FLNB: variants seen among roughly 807,000 people sequenced by gnomAD.
FLNB encodes filamin-B.
Under a neutral mutation model 250.6 loss-of-function variants are expected in FLNB, and 111 were observed. That is an observed-to-expected ratio of 0.44 (90% CI 0.38 to 0.52). FLNB has a LOEUF of 0.52. FLNB is among the 20% of genes least tolerant of loss of function. The pLI, the probability that FLNB is intolerant of heterozygous loss-of-function variation, is 0.00. For synonymous variants in FLNB, 1,302 were observed against 1,372.1 expected (o/e 0.95, Z 1.13); for missense variants, 2,869 against 3,447.8 (o/e 0.83, Z 4.20).
intron 1 of FLNB, among the ~76,000 whole-genome samples, chr3:58,067,762 A>C (rs1251326681): frequency 6.6e-6 from 1 of 151,760 alleles, no homozygotes; most frequent in Non-Finnish European, 1.5e-5. Context: ...ACGCCCGGCT[A>C]ATTTTTTGCA....
intron 1 of FLNB, among the ~76,000 whole-genome samples, chr3:58,016,256 T>C (rs148010216): frequency 5.9e-4 from 89 of 152,082 alleles, no homozygotes; most frequent in African/African-American, 2.0e-3. Flanking sequence ...TGTTTCACCA[T>C]GTTGGTCAGG....
Position 58,097,810 on chromosome 3 carries a change from T to G in FLNB, c.985-5T>G, listed in dbSNP as rs1164311776. ...ATGTATTTCTCACCTATCTGTCACC[T>G]ATAGGTCACAGTCCTCTTTGCAGGA... On this transcript the variant is annotated splice_polypyrimidine_tract_variant and splice_region_variant and intron_variant, in intron 6 of 45. Transcript: ENST00000295956. 1 of 1,613,810 alleles carries G rather than the reference T, an allele frequency of 6.2e-7. No homozygotes were observed. Among genetic ancestry groups the G allele is most frequent in the Non-Finnish European group, 8.5e-7 (1 of 1,179,810 alleles).
chr3:58,119,692 C>A (rs78381674), intron 19 of FLNB, among the ~76,000 whole-genome samples: 10,550 of 152,198 alleles, frequency 0.069, 414 homozygotes, highest in Non-Finnish European at 0.079. Context: ...AAAATATATC[C>A]ATTTTTCATC....
chr3:58,073,793 A>G (rs1559674462), intron 1 of FLNB, among the ~76,000 whole-genome samples: 1 of 152,164 alleles, frequency 6.6e-6, no homozygotes, highest in Non-Finnish European at 1.5e-5. Context: ...CAGGTTTTTA[A>G]AAGAATCCAT....
intron 18 of FLNB, 99 bp from the exon 19 acceptor site, chr3:58,118,773 C>T (rs1399939276): frequency 2.3e-6 from 2 of 859,628 alleles, no homozygotes; most frequent in Non-Finnish European, 4.1e-6. Flanking sequence ...ATCAAGTCTC[C>T]CCTGTCCGTG....
intron 43 of FLNB, among the ~76,000 whole-genome samples, chr3:58,166,362 G>A (rs2097370531): frequency 6.6e-6 from 1 of 152,064 alleles, no homozygotes; most frequent in South Asian, 2.1e-4. Context: ...GGCCAAGGCA[G>A]AAAGATTGTT....
intron 1 of FLNB, among the ~76,000 whole-genome samples, chr3:58,039,082 C>T (rs1360311199): frequency 2.1e-5 from 3 of 146,210 alleles, no homozygotes; most frequent in South Asian, 4.3e-4. Context: ...GGCTGGAATG[C>T]AGTGGCATGA....
chr3:58,152,220 C>T (rs924179508), intron 38 of FLNB, among the ~76,000 whole-genome samples: 1 of 152,154 alleles, frequency 6.6e-6, no homozygotes, highest in Non-Finnish European at 1.5e-5. Flanking sequence ...ATGATCCTCT[C>T]GGAGATCCCC....
intron 36 of FLNB, 162 bp from the exon 37 acceptor site, chr3:58,149,688 T>A: frequency 1.2e-6 from 1 of 809,230 alleles, no homozygotes; most frequent in Non-Finnish European, 2.0e-6. Flanking sequence ...ACGCTTAACC[T>A]ACTCATCCCC....
chr3:58,078,942 T>C (rs555741628), intron 3 of FLNB, 128 bp downstream of exon 3: 6 of 689,976 alleles, frequency 8.7e-6, no homozygotes, highest in South Asian at 1.5e-5. Context: ...CCTGTGATGC[T>C]CTCTCATCTT....
chr3:58,065,339 T>A (rs1172004474), intron 1 of FLNB, among the ~76,000 whole-genome samples: 1 of 152,070 alleles, frequency 6.6e-6, no homozygotes, highest in Non-Finnish European at 1.5e-5. Flanking sequence ...AAAATGGGAG[T>A]CATAACTGAA....
chr3:58,067,445 C>G (rs2686641), intron 1 of FLNB, among the ~76,000 whole-genome samples: 41,452 of 151,980 alleles, frequency 0.27, 7,802 homozygotes, highest in East Asian at 0.57. Context: ...AACTTCGGCC[C>G]CCTTGTCTAC....
chr3:58,131,790 C>A, intron 25 of FLNB: 1 of 660,836 alleles, frequency 1.5e-6, no homozygotes, highest in Non-Finnish European at 2.7e-6. Flanking sequence ...AGCTTCAGGA[C>A]CTGCATGTGT....
chr3:58,124,359 T>C lies in FLNB; in HGVS notation c.3752T>C (p.Phe1251Ser). The stretch of plus-strand genomic sequence containing the variant: ...GTGTTCCGGGAAGCTACCACCGACT[T>C]TACAGTTGACTCTCGGCCGCTGACC... Reference protein sequence around the residue: ...KDVFREATTDFTVDSRPLTQV... With the variant: ...KDVFREATTDSTVDSRPLTQV... The change falls in exon 22 of 46, where the codon TTT (phenylalanine) becomes TCT (serine). Residue 1251 changes from phenylalanine to serine, a missense_variant. By Grantham distance (155) the Phe-to-Ser change is radical. This residue lies in a region of FLNB where 1,348 missense variants were observed against 1,466.7 expected (regional missense o/e 0.92). Transcript: ENST00000295956. 6.2e-7 allele frequency: 1 copy of C among 1,614,198 alleles called. No individual in the cohort carries two copies. Among genetic ancestry groups the C allele is most frequent in the Non-Finnish European group, 8.5e-7 (1 of 1,180,040 alleles).
chr3:58,112,520 A>G (rs1186921183), intron 18 of FLNB, among the ~76,000 whole-genome samples: 2 of 152,214 alleles, frequency 1.3e-5, no homozygotes, highest in Non-Finnish European at 2.9e-5. Context: ...GAACTGCAGA[A>G]TTCCCCAAAA....
intron 24 of FLNB, 34 bp downstream of exon 24, chr3:58,126,796 A>C (rs1163024318): frequency 4.4e-6 from 7 of 1,603,448 alleles, no homozygotes; most frequent in African/African-American, 2.7e-5. Flanking sequence ...CCCAGAGAAT[A>C]ATTGATTTTG....
At chr3:58,110,789 G>A (rs917379986) in intron 16 of FLNB, among the ~76,000 whole-genome samples, 4 of 152,094 alleles carry the variant, frequency 2.6e-5, no homozygotes, top group Admixed American at 6.5e-5. Context: ...CGGTTGCCCA[G>A]ACTGCTCTCG....
chr3:58,099,369 G>C (rs563176151), intron 8 of FLNB, among the ~76,000 whole-genome samples: 9 of 152,156 alleles, frequency 5.9e-5, no homozygotes, highest in Non-Finnish European at 1.2e-4. Context: ...AGGTGGAGAT[G>C]CTGAGGCTTA....
At chr3:58,023,697 C>T (rs2097118057) in intron 1 of FLNB, among the ~76,000 whole-genome samples, 1 of 152,168 alleles carries the variant, frequency 6.6e-6, no homozygotes, top group Non-Finnish European at 1.5e-5. Flanking sequence ...CTTTGTCCAA[C>T]ATTAAAATGA....
Sources: gnomAD v4.1 joint callset for allele counts (sites outside exome capture counted in the v4.1 genomes callset) on GRCh38, gnomAD v4.1.1 for gene constraint, gnomAD v4.1.1 regional missense constraint, MANE v1.5 for transcripts, NCBI Gene and HGNC (gene_info 2026-07-23, HGNC 2026-07-21) for gene names.